EMILIN2: variants seen among roughly 807,000 people sequenced by gnomAD.
EMILIN2 encodes the protein EMILIN-2.
Under a neutral mutation model 87.1 loss-of-function variants are expected in EMILIN2, and 71 were observed. The ratio of observed to expected loss-of-function variants is 0.82; its 90% confidence interval spans 0.67 to 0.99. The LOEUF is 0.99. Among genes scored for constraint, EMILIN2 ranks in the 50% least tolerant of loss-of-function variants. The probability of loss-of-function intolerance (pLI) is 0.00; values close to 1 mark genes in which losing one functional copy is unlikely to be tolerated. For synonymous variants in EMILIN2, 581 were observed against 563.4 expected, an observed-to-expected ratio of 1.03 and a Z score of -0.44; for missense variants, 1,407 against 1,371.8, an observed-to-expected ratio of 1.03 and a Z score of -0.40.
intron 3 of EMILIN2, among the ~76,000 whole-genome samples, chr18:2,888,075 C>T (rs2076811721): frequency 2.0e-5 from 3 of 152,188 alleles, no homozygotes; most frequent in African/African-American, 7.2e-5. Context: ...GAACACCATC[C>T]TCTACTGTTG....
At chr18:2,870,188 C>T (rs1355953614) in intron 2 of EMILIN2, among the ~76,000 whole-genome samples, 1 of 152,184 alleles carries the variant, frequency 6.6e-6, no homozygotes, top group Non-Finnish European at 1.5e-5. Flanking sequence ...CTACAGTGAA[C>T]TATGATTGTG....
Position 2,881,989 on chromosome 18 carries a change from C to T in EMILIN2, c.258-2975C>T, listed in dbSNP as rs567381315. ...CAGCCCTTAGGGCCTTCTGGAACATCTCCAGGTGGGGCCGCTTCCTCCAAT... is the reference window on the plus strand; with the variant it reads ...CAGCCCTTAGGGCCTTCTGGAACATTTCCAGGTGGGGCCGCTTCCTCCAAT... On this transcript the variant is annotated intron_variant, in intron 2 of 7. Coordinates refer to ENST00000254528, the MANE Select transcript of EMILIN2 (RefSeq NM_032048.3). 9.8e-5 allele frequency among the ~76,000 whole-genome samples: 15 copies of T among 152,300 alleles called. No homozygotes were observed. In the South Asian group the frequency reaches 1.2e-3, roughly 13 times the overall value.
chr18:2,863,349 G>C (rs900017052), intron 2 of EMILIN2, among the ~76,000 whole-genome samples: 1 of 151,764 alleles, frequency 6.6e-6, no homozygotes, highest in African/African-American at 2.4e-5. Context: ...TTTCTCTTGT[G>C]GGCATTTAGT....
chr18:2,874,293 A>G (rs1249952326), intron 2 of EMILIN2, among the ~76,000 whole-genome samples: 17 of 152,034 alleles, frequency 1.1e-4, no homozygotes, highest in Admixed American at 1.3e-4. Context: ...GGGCTTAAGT[A>G]ATCCTTCCTC....
rs1304234782 is a variant in EMILIN2, at chr18:2,885,047, GA to G, written c.342del (p.Gly116GlufsTer11). ...QLEWRCCPGF[R>X]GGDCQEGPKD... ...GAATGGAGGTGCTGTCCTGGCTTTA[GA>G]GGGGGAGATTGCCAAGAAGGTCCCA... On this transcript the variant is annotated frameshift_variant, in exon 3 of 8. Transcript: ENST00000254528. LOFTEE classifies it high-confidence loss of function. 1.2e-6 allele frequency: 2 copies of G among 1,613,756 alleles called. No homozygotes were observed. Among genetic ancestry groups the G allele is most frequent in the East Asian group, 4.5e-5 (2 of 44,874 alleles).
intron 2 of EMILIN2, among the ~76,000 whole-genome samples, chr18:2,863,365 A>G (rs2076670849): frequency 1.3e-5 from 2 of 152,102 alleles, no homozygotes; most frequent in African/African-American, 4.8e-5. Flanking sequence ...TTAGTGCTAT[A>G]AATTTCCCTC....
At chr18:2,854,665 G>A (rs560875761) in intron 2 of EMILIN2, among the ~76,000 whole-genome samples, 52 of 152,236 alleles carry the variant, frequency 3.4e-4, no homozygotes, top group East Asian at 2.7e-3. Context: ...ATGGTGCTAC[G>A]TGCCTGTAGT....
At chr18:2,893,499 A>G (rs1037486307) in intron 4 of EMILIN2, among the ~76,000 whole-genome samples, 5 of 152,208 alleles carry the variant, frequency 3.3e-5, no homozygotes, top group South Asian at 2.1e-4. Context: ...TAGGCACTCA[A>G]CAAATGTTTG....
Position 2,908,984 on chromosome 18 carries a change from G to T in EMILIN2, c.2695+9G>T. On this transcript the variant is annotated intron_variant, in intron 6 of 7. Coordinates refer to ENST00000254528, the MANE Select transcript of EMILIN2 (RefSeq NM_032048.3). ...TCCTGTAGCTTCCCCAGGTATGTCT[G>T]CTGAGAGACCAGGAGCAGGAGGAGC... 1 of 1,613,222 alleles carries T rather than the reference G, an allele frequency of 6.2e-7. No individual in the cohort carries two copies. The highest frequency in any genetic ancestry group is 1.3e-5 in the African/African-American group (1 of 74,988).
chr18:2,849,627 T>TA (rs1173171220), intron 2 of EMILIN2, among the ~76,000 whole-genome samples: 1 of 152,184 alleles, frequency 6.6e-6, no homozygotes, highest in African/African-American at 2.4e-5. Context: ...AGAATTATTA[T>TA]AAAAAATGAC....
intron 4 of EMILIN2, among the ~76,000 whole-genome samples, chr18:2,895,775 T>G (rs1196052897): frequency 6.6e-6 from 1 of 152,216 alleles, no homozygotes; most frequent in African/African-American, 2.4e-5. Context: ...TGGAGTGGCA[T>G]CACTGCCACA....
intron 2 of EMILIN2, among the ~76,000 whole-genome samples, chr18:2,851,925 G>A (rs1466886151): frequency 6.6e-6 from 1 of 152,200 alleles, no homozygotes; most frequent in African/African-American, 2.4e-5. Flanking sequence ...ACTGAGATGA[G>A]CCATTCCCTA....
At chr18:2,888,926 G>T (rs2076817020) in intron 3 of EMILIN2, among the ~76,000 whole-genome samples, 1 of 151,948 alleles carries the variant, frequency 6.6e-6, no homozygotes, top group African/African-American at 2.4e-5. Flanking sequence ...AATGATCGTT[G>T]AATTCAAATA....
In EMILIN2 at chr18:2,880,784, C is replaced by T. The variant is rs555217364; in HGVS notation, c.258-4180C>T. ...CCTGTCTCTGTTTCATGTCCCCTGC[C>T]TGGTCCTCTTAGGAGGGTGGCCGAT... On this transcript the variant is annotated intron_variant, in intron 2 of 7. Transcript: ENST00000254528. The surrounding 1 kb of genome is among the most constrained non-coding windows in gnomAD (Gnocchi z 4.1). 5.6e-4 allele frequency among the ~76,000 whole-genome samples: 86 copies of T among 152,296 alleles called. 1 individual carries two copies. The South Asian group carries it at 5.8e-3, about 10-fold the overall frequency.
upstream of EMILIN2, among the ~76,000 whole-genome samples, chr18:2,846,539 T>A (rs2076574262): frequency 1.3e-5 from 2 of 152,286 alleles, no homozygotes; most frequent in South Asian, 2.1e-4. The surrounding 1 kb of genome is among the most constrained non-coding windows in gnomAD (Gnocchi z 5.3). Context: ...CCTCCTGGAC[T>A]CTCTAGGTCC....
intron 4 of EMILIN2, among the ~76,000 whole-genome samples, chr18:2,900,631 C>T (rs1172164689): frequency 1.3e-5 from 2 of 151,614 alleles, no homozygotes; most frequent in African/African-American, 4.8e-5. Context: ...CAGGGGAGAC[C>T]AACTGTTTCT....
Position 2,905,239 on chromosome 18 carries a change from AAG to A in EMILIN2, c.2360-1543_2360-1542del, listed in dbSNP as rs2076904416. On this transcript the variant is annotated intron_variant, in intron 4 of 7. Transcript: ENST00000254528. ...TTCTCTCATGGAACATTGGTCAGGA[AAG>A]GCTGTTGGAGAAACTGCCTCTCTCA... is the stretch of plus-strand genomic sequence containing the variant. Among the ~76,000 whole-genome samples, 4 of 119,628 alleles carry A rather than the reference AAG, an allele frequency of 3.3e-5. No individual in the cohort carries two copies. In the South Asian group the frequency reaches 1.1e-3, roughly 34 times the overall value. 78.5% of individuals were successfully genotyped at this position (119,628 alleles called of 152,430 possible). A position where few individuals can be genotyped will look rare whatever the true frequency, so the allele number is the denominator to read the frequency against.
At chr18:2,895,975 C>G (rs1236848497) in intron 4 of EMILIN2, among the ~76,000 whole-genome samples, 2 of 152,142 alleles carry the variant, frequency 1.3e-5, no homozygotes, top group Non-Finnish European at 2.9e-5. Flanking sequence ...TTCTACTCAG[C>G]CTGTTGCCCT....
rs755497750 is a variant in EMILIN2 at position 2,891,041 on chromosome 18, C to T, written c.914C>T (p.Thr305Met). The T allele has an allele frequency of 3.4e-5, 55 of 1,614,052 alleles. No individual in the cohort carries two copies. The highest frequency in any genetic ancestry group is 3.1e-4 in the East Asian group (14 of 44,896). Residue 305 changes from threonine to methionine, a missense_variant, in exon 4 of 8, where the codon ACG (threonine) becomes ATG (methionine). Transcript: ENST00000254528. The surrounding 1 kb of genome is among the most constrained non-coding windows in gnomAD (Gnocchi z 4.6). ...RQLQEAAQGP[T>M]VTMTTNELYQ... ...CTCCAGGAAGCAGCTCAGGGCCCGA[C>T]GGTGACCATGACAACCAACGAACTC...
Sources: allele counts gnomAD v4.1 joint callset (sites outside exome capture counted in the v4.1 genomes callset), GRCh38; gene constraint gnomAD v4.1.1; non-coding constraint Gnocchi (gnomAD v3.1); transcripts MANE v1.5; gene names NCBI Gene and HGNC (gene_info 2026-07-23, HGNC 2026-07-21).